UBE2E1: variants seen among roughly 807,000 people sequenced by gnomAD.
The protein encoded by UBE2E1 is ubiquitin conjugating enzyme E2 E1, also known as ubiquitin-conjugating enzyme E2 E1.
A neutral mutation model predicts 21.4 loss-of-function variants in UBE2E1; 6 were observed. The ratio of observed to expected loss-of-function variants is 0.28; its 90% CI spans 0.15 to 0.55. The LOEUF (loss-of-function observed/expected upper bound fraction) is 0.55. UBE2E1 is among the 20% of genes least tolerant of loss of function. The probability of loss-of-function intolerance (pLI) is 0.93; values close to 1 mark genes in which losing one functional copy is unlikely to be tolerated. For missense variants in UBE2E1, 142 were observed against 236.5 expected (o/e 0.60, Z 2.62); for synonymous variants, 87 against 82.7 (o/e 1.05, Z -0.28).
intron 3 of UBE2E1, among the ~76,000 whole-genome samples, chr3:23,883,585 T>G (rs1701104031): frequency 6.6e-6 from 1 of 152,184 alleles, no homozygotes. Flanking sequence ...AAAAGCTACC[T>G]GAATTCATCC....
intron 3 of UBE2E1, among the ~76,000 whole-genome samples, chr3:23,828,015 C>T (rs1422715339): frequency 1.3e-5 from 2 of 152,182 alleles, no homozygotes; most frequent in African/African-American, 2.4e-5. Context: ...AAATGATTCA[C>T]TCCACACAGC....
intron 3 of UBE2E1, among the ~76,000 whole-genome samples, chr3:23,862,795 G>A (rs962836872): frequency 2.6e-5 from 4 of 151,906 alleles, no homozygotes; most frequent in African/African-American, 9.7e-5. Context: ...GTGCCATCAC[G>A]GCTTACTGCA....
At chr3:23,878,909 C>A in intron 3 of UBE2E1, 1 of 351,798 alleles carries the variant, frequency 2.8e-6, no homozygotes, top group Non-Finnish European at 5.6e-6. Context: ...CCAAACCATC[C>A]CACCCCCCAT....
chr3:23,821,333 A>C (rs1051758029), intron 3 of UBE2E1, among the ~76,000 whole-genome samples: 6 of 152,252 alleles, frequency 3.9e-5, no homozygotes, highest in Non-Finnish European at 8.8e-5. Context: ...TGGCCTTGTG[A>C]AAAGTACCAG....
At chr3:23,872,180 G>C (rs993340942) in intron 3 of UBE2E1, among the ~76,000 whole-genome samples, 1 of 152,152 alleles carries the variant, frequency 6.6e-6, no homozygotes, top group Admixed American at 6.5e-5. Context: ...AGACCAGCCC[G>C]GCCAACACAG....
Position 23,887,736 on chromosome 3 carries a change from C to A in UBE2E1, c.336+37C>A. ...CCCTGTATGCTCAAATTTACTAATT[C>A]CCACAAGAGAGCAACTGTTGAGGTT... On this transcript the variant is annotated intron_variant, in intron 4 of 5. Coordinates refer to ENST00000306627, the MANE Select transcript of UBE2E1 (RefSeq NM_003341.5). The surrounding 1 kb of genome is among the most constrained non-coding windows in gnomAD (Gnocchi z 4.4). 2 of 1,575,574 alleles carry A rather than the reference C, an allele frequency of 1.3e-6. No individual in the cohort carries two copies. The highest frequency in any genetic ancestry group is 1.7e-6 in the Non-Finnish European group (2 of 1,167,158).
intron 3 of UBE2E1, among the ~76,000 whole-genome samples, chr3:23,827,949 C>A (rs1396650427): frequency 6.6e-6 from 1 of 152,006 alleles, no homozygotes; most frequent in Non-Finnish European, 1.5e-5. Flanking sequence ...CAGTATGCCC[C>A]CTAGGATGTT....
chr3:23,830,930 G>A (rs1483562985), intron 3 of UBE2E1, among the ~76,000 whole-genome samples: 3 of 152,170 alleles, frequency 2.0e-5, no homozygotes, highest in Non-Finnish European at 4.4e-5. Context: ...ATTCCTGTTG[G>A]TGGTCATGTA....
At chr3:23,841,221 T>G (rs1173370723) in intron 3 of UBE2E1, among the ~76,000 whole-genome samples, 1 of 152,236 alleles carries the variant, frequency 6.6e-6, no homozygotes, top group Non-Finnish European at 1.5e-5. Context: ...AAGCTCGTCT[T>G]AAATGGCTAT....
chr3:23,869,575 A>G (rs1374684020), intron 3 of UBE2E1, among the ~76,000 whole-genome samples: 1 of 151,858 alleles, frequency 6.6e-6, no homozygotes, highest in Non-Finnish European at 1.5e-5. Context: ...AGGGAAGCTA[A>G]GGAAGAAAAG....
intron 3 of UBE2E1, among the ~76,000 whole-genome samples, chr3:23,858,783 T>G (rs1398621651): frequency 6.6e-6 from 1 of 152,150 alleles, no homozygotes; most frequent in African/African-American, 2.4e-5. Context: ...ATACTTGTCC[T>G]CCCTCCTCCC....
intron 3 of UBE2E1, among the ~76,000 whole-genome samples, chr3:23,849,215 T>C (rs1278880227): frequency 6.6e-6 from 1 of 152,234 alleles, no homozygotes; most frequent in Admixed American, 6.5e-5. Flanking sequence ...GTGCATTGTT[T>C]TACATTCCCA....
rs1345620367 is a variant in UBE2E1 at position 23,891,444 on chromosome 3, T to G, written c.*838T>G. ...ATTTAGTAGGTATTAGTTAGTTACCTATATTAGGATCTGTACTTTACACAG... is the reference window on the plus strand; with the variant it reads ...ATTTAGTAGGTATTAGTTAGTTACCGATATTAGGATCTGTACTTTACACAG... On this transcript the variant is annotated 3_prime_UTR_variant, in exon 6 of 6. Transcript: ENST00000306627. 6.6e-6 allele frequency: 1 copy of G among 152,224 alleles called. No individual in the cohort carries two copies. The highest frequency in any genetic ancestry group is 6.5e-5 in the Admixed American group (1 of 15,280). The allele number at this position is 152,224 out of a possible 1,614,324, so 9.4% of individuals were successfully genotyped here. A position where few individuals can be genotyped will look rare whatever the true frequency, so the allele number is the denominator to read the frequency against.
At chr3:23,865,249 ACTC>A (rs762397373) in intron 3 of UBE2E1, among the ~76,000 whole-genome samples, 85 of 152,094 alleles carry the variant, frequency 5.6e-4, no homozygotes, top group Admixed American at 3.0e-3. Flanking sequence ...GGCCCAGGCA[ACTC>A]CTAGAGGCCG....
At chr3:23,883,283 G>A (rs1464599087) in intron 3 of UBE2E1, among the ~76,000 whole-genome samples, 1 of 152,080 alleles carries the variant, frequency 6.6e-6, no homozygotes, top group African/African-American at 2.4e-5. Flanking sequence ...ATTATTAAAG[G>A]GTGTACTTAG....
At chr3:23,862,223 T>C (rs1224437064) in intron 3 of UBE2E1, among the ~76,000 whole-genome samples, 1 of 152,156 alleles carries the variant, frequency 6.6e-6, no homozygotes, top group East Asian at 1.9e-4. Context: ...AAAATCTGAA[T>C]TGCTTAGCAG....
intron 3 of UBE2E1, among the ~76,000 whole-genome samples, chr3:23,874,285 C>T (rs1402999365): frequency 6.6e-6 from 1 of 152,156 alleles, no homozygotes; most frequent in Non-Finnish European, 1.5e-5. Context: ...GACACTCTTG[C>T]TTTTGGGGAT....
Position 23,842,536 on chromosome 3 carries a change from T to C in UBE2E1, c.203+31026T>C, listed in dbSNP as rs755514716. ...CTATAAATATCACTAAACTTTGTCA[T>C]CCTAAGTGAGATAATAAGGCAAGAT... On this transcript the variant is annotated intron_variant, in intron 3 of 5. Transcript: ENST00000306627. This position sits in a 1 kb window ranked among gnomAD's most constrained non-coding sequence, Gnocchi z 4.6. 2.0e-5 allele frequency among the ~76,000 whole-genome samples: 3 copies of C among 152,176 alleles called. No homozygotes were observed. Among genetic ancestry groups the C allele is most frequent in the Non-Finnish European group, 4.4e-5 (3 of 68,028 alleles).
intron 3 of UBE2E1, among the ~76,000 whole-genome samples, chr3:23,864,364 ATTTT>A (rs960271572): frequency 2.0e-5 from 3 of 151,992 alleles, no homozygotes; most frequent in Admixed American, 1.3e-4. Flanking sequence ...GTTTTAAGTT[ATTTT>A]GGACCTCCTC....
Sources: allele counts gnomAD v4.1 joint callset (sites outside exome capture counted in the v4.1 genomes callset), GRCh38; gene constraint gnomAD v4.1.1; non-coding constraint Gnocchi (gnomAD v3.1); transcripts MANE v1.5; gene names NCBI Gene and HGNC (gene_info 2026-07-23, HGNC 2026-07-21).